NEGR1: variants seen among roughly 807,000 people sequenced by gnomAD.
NEGR1 encodes IgLON family member 4.
NEGR1 carries 10 observed loss-of-function variants against 40.9 expected under a neutral mutation model. The ratio of observed to expected loss-of-function variants is 0.24; its 90% CI spans 0.15 to 0.42. NEGR1 has a LOEUF of 0.42. NEGR1 is among the 10% of genes least tolerant of loss of function. The pLI is 1.00. For synonymous variants in NEGR1, 185 were observed against 166.8 expected (o/e 1.11, Z -0.84); for missense variants, 352 against 438.9 (o/e 0.80, Z 1.77).
At chr1:71,419,349 C>T (rs1166642262) in intron 6 of NEGR1, among the ~76,000 whole-genome samples, 1 of 152,204 alleles carries the variant, frequency 6.6e-6, no homozygotes, top group Non-Finnish European at 1.5e-5. Context: ...ATAGTAGGTG[C>T]ACAGAAAATT....
chr1:71,677,208 A>G (rs375440905), intron 4 of NEGR1, among the ~76,000 whole-genome samples: 33 of 152,012 alleles, frequency 2.2e-4, no homozygotes, highest in African/African-American at 7.7e-4. Flanking sequence ...CTCTGTTTCC[A>G]TTTCCATCCT....
intron 3 of NEGR1, among the ~76,000 whole-genome samples, chr1:71,739,507 A>C (rs1253225116): frequency 6.6e-6 from 1 of 151,600 alleles, no homozygotes; most frequent in Non-Finnish European, 1.5e-5. Context: ...AAACAAAACA[A>C]AACAAAACAA....
chr1:71,479,068 C>T (rs1043754467), intron 6 of NEGR1, among the ~76,000 whole-genome samples: 1 of 151,960 alleles, frequency 6.6e-6, no homozygotes, highest in Non-Finnish European at 1.5e-5. Context: ...CAATGTGCAA[C>T]ATAAGTTACT....
intron 6 of NEGR1, among the ~76,000 whole-genome samples, chr1:71,551,724 G>A (rs977951483): frequency 6.6e-6 from 1 of 151,510 alleles, no homozygotes; most frequent in Non-Finnish European, 1.5e-5. Context: ...GGGCTGCACA[G>A]AGACTCCAAT....
At chr1:71,713,955 G>A (rs140936513) in intron 3 of NEGR1, among the ~76,000 whole-genome samples, 96 of 152,236 alleles carry the variant, frequency 6.3e-4, no homozygotes, top group African/African-American at 2.1e-3. Context: ...TTTAACCTCT[G>A]TTAGGGTCAG....
chr1:71,637,474 T>C (rs973137096), intron 4 of NEGR1, among the ~76,000 whole-genome samples: 1 of 151,996 alleles, frequency 6.6e-6, no homozygotes, highest in Non-Finnish European at 1.5e-5. Context: ...GATTATTTTA[T>C]GTATATAATT....
At chr1:71,624,055 A>T (rs1006496427) in intron 4 of NEGR1, among the ~76,000 whole-genome samples, 1 of 151,872 alleles carries the variant, frequency 6.6e-6, no homozygotes, top group African/African-American at 2.4e-5. Flanking sequence ...TACTCTCCTT[A>T]TAATCTCAAT....
At chr1:72,050,774 G>C (rs1169419093) in intron 1 of NEGR1, among the ~76,000 whole-genome samples, 2 of 151,446 alleles carry the variant, frequency 1.3e-5, no homozygotes, top group African/African-American at 4.8e-5. Flanking sequence ...TCTGAGGTTA[G>C]GCCATAAAGA....
chr1:71,653,571 TACTAGTCA>T (rs1483861783), intron 4 of NEGR1, among the ~76,000 whole-genome samples: 1 of 152,194 alleles, frequency 6.6e-6, no homozygotes, highest in Non-Finnish European at 1.5e-5. Context: ...CTTATCTGAT[TACTAGTCA>T]TTATTGTTCT....
At chr1:71,419,596 T>C (rs572070877) in intron 6 of NEGR1, among the ~76,000 whole-genome samples, 1 of 152,312 alleles carries the variant, frequency 6.6e-6, no homozygotes, top group Admixed American at 6.5e-5. Context: ...TACCCACTGT[T>C]TTACACTATC....
chr1:72,203,931 T>C (rs537625133), intron 1 of NEGR1, among the ~76,000 whole-genome samples: 64 of 152,256 alleles, frequency 4.2e-4, no homozygotes, highest in African/African-American at 1.5e-3. Context: ...TAAATTAAGT[T>C]GTGAGCTTTT....
At chr1:72,103,213 T>C (rs1264912413) in intron 1 of NEGR1, among the ~76,000 whole-genome samples, 2 of 152,106 alleles carry the variant, frequency 1.3e-5, no homozygotes, top group Non-Finnish European at 2.9e-5. Context: ...GTCTTAAGAT[T>C]CCATATGCTT....
intron 2 of NEGR1, among the ~76,000 whole-genome samples, chr1:71,863,318 A>G (rs573717457): frequency 2.8e-4 from 43 of 152,162 alleles, no homozygotes; most frequent in Non-Finnish European, 5.4e-4. Context: ...TGGAGCTGGA[A>G]GCCATTATTA....
chr1:71,907,111 G>A (rs1054860672), intron 2 of NEGR1, among the ~76,000 whole-genome samples: 1 of 152,124 alleles, frequency 6.6e-6, no homozygotes, highest in East Asian at 1.9e-4. Flanking sequence ...TAAGCAAAGA[G>A]TGATTATCAA....
chr1:71,533,925 C>A (rs972760285), intron 6 of NEGR1, among the ~76,000 whole-genome samples: 2 of 151,640 alleles, frequency 1.3e-5, no homozygotes, highest in African/African-American at 4.8e-5. Context: ...CTTAATTCAG[C>A]ACTCATTTCA....
intron 1 of NEGR1, among the ~76,000 whole-genome samples, chr1:71,955,496 G>A (rs1204546476): frequency 6.6e-6 from 1 of 152,012 alleles, no homozygotes; most frequent in African/African-American, 2.4e-5. Flanking sequence ...AGTGAAGCAG[G>A]GCTCCCTGAA....
chr1:71,454,613 G>A (rs972031972), intron 6 of NEGR1, among the ~76,000 whole-genome samples: 7 of 152,098 alleles, frequency 4.6e-5, no homozygotes, highest in African/African-American at 1.7e-4. Flanking sequence ...CCTGAGTTGG[G>A]TAGAAAACAC....
At chr1:72,247,684 C>T (rs1471109291) in intron 1 of NEGR1, among the ~76,000 whole-genome samples, 7 of 152,138 alleles carry the variant, frequency 4.6e-5, no homozygotes, top group Admixed American at 2.6e-4. Context: ...CCATATTTTC[C>T]CTTCTTCCTG....
At chr1:72,261,989 G>A (rs1655473693) in intron 1 of NEGR1, among the ~76,000 whole-genome samples, 1 of 151,918 alleles carries the variant, frequency 6.6e-6, no homozygotes, top group East Asian at 1.9e-4. Flanking sequence ...TAACAAAATT[G>A]CACTTGCACC....
Sources: gnomAD v4.1 joint callset for allele counts (sites outside exome capture counted in the v4.1 genomes callset) on GRCh38, gnomAD v4.1.1 for gene constraint, MANE v1.5 for transcripts, NCBI Gene and HGNC (gene_info 2026-07-23, HGNC 2026-07-21) for gene names.